ATP11A: variants seen among roughly 807,000 people sequenced by gnomAD.
ATP11A encodes phospholipid-transporting ATPase IH.
A neutral mutation model predicts 154.4 loss-of-function variants in ATP11A; 81 were observed. The observed-to-expected ratio is 0.52, with a 90% CI of 0.44 to 0.63. The LOEUF (loss-of-function observed/expected upper bound fraction) is 0.63, where lower values mean the gene tolerates loss of function less well. ATP11A is among the 30% of genes least tolerant of loss of function. ATP11A has a pLI of 0.00. For synonymous variants in ATP11A, 623 were observed against 585.9 expected (o/e 1.06, Z -0.91); for missense variants, 1,316 against 1,474.3 (o/e 0.89, Z 1.76).
chr13:112,772,944 A>T (rs1430405416), intron 1 of ATP11A, among the ~76,000 whole-genome samples: 1 of 152,206 alleles, frequency 6.6e-6, no homozygotes, highest in South Asian at 2.1e-4. Flanking sequence ...TATGATTGGC[A>T]TCTGATCACG....
rs530303167 is a variant in ATP11A, at chr13:112,690,774, C to A, written c.39+319C>A. ...TCCCTCGGAGAGGCTGGCTGGGGTT[C>A]GAGCTGTCCCGGCGGACCGGGCGCC... On this transcript the variant is annotated intron_variant, in intron 1 of 29. Coordinates refer to ENST00000375645, the MANE Select transcript of ATP11A (RefSeq NM_015205.3). This position sits in a 1 kb window ranked among gnomAD's most constrained non-coding sequence, Gnocchi z 5.6. Among the ~76,000 whole-genome samples, 2 of 152,106 alleles carry A rather than the reference C, an allele frequency of 1.3e-5. No homozygotes were observed. Among genetic ancestry groups the A allele is most frequent in the African/African-American group, 4.8e-5 (2 of 41,532 alleles).
chr13:112,836,530 G>A (rs2079239247), intron 16 of ATP11A, among the ~76,000 whole-genome samples: 2 of 152,170 alleles, frequency 1.3e-5, no homozygotes, highest in Admixed American at 6.5e-5. Context: ...GTTGAAAATT[G>A]CTTAATTCCA....
rs6577115 is a variant in ATP11A, at chr13:112,841,015, G to A, written c.1706-1261G>A. 6.7e-3 allele frequency among the ~76,000 whole-genome samples: 1,015 copies of A among 152,354 alleles called. 18 individuals are homozygous for A. The highest frequency in any genetic ancestry group is 0.023 in the African/African-American group (967 of 41,594). ...GGGCATGGAGCTTCCTACGCGTGCCGCTCAGGCTGCTGTGGTGTTTCTCCC... is the reference window on the plus strand; with the variant it reads ...GGGCATGGAGCTTCCTACGCGTGCCACTCAGGCTGCTGTGGTGTTTCTCCC... On this transcript the variant is annotated intron_variant, in intron 16 of 29. Coordinates refer to ENST00000375645, the MANE Select transcript of ATP11A (RefSeq NM_015205.3).
At chr13:112,750,353 T>C (rs77955278) in intron 1 of ATP11A, among the ~76,000 whole-genome samples, 24 of 22,762 alleles carry the variant, frequency 1.1e-3, no homozygotes, top group African/African-American at 2.5e-3. Flanking sequence ...TGCTGAAGGA[T>C]GCGGGTTTGA....
Position 112,834,647 on chromosome 13 carries a change from A to G in ATP11A, c.1618A>G (p.Asn540Asp). Reference protein sequence around the residue: ...DNYMEILNRENHIERFELLEI... With the variant: ...DNYMEILNREDHIERFELLEI... Reference sequence around the variant, plus strand: ...TTACATGGAGATATTAAACAGGGAGAACCACATCGAAAGGTATGTGCAGAC... The same window carrying G: ...TTACATGGAGATATTAAACAGGGAGGACCACATCGAAAGGTATGTGCAGAC... Residue 540 changes from asparagine to aspartate, a missense_variant, in exon 15 of 30, where the codon AAC becomes GAC. Asn to Asp is a conservative substitution (Grantham distance 23). Around this residue, in one of 5 missense-constraint regions of ATP11A, gnomAD observed 876 missense variants for 1,006.8 expected, o/e 0.87. Transcript: ENST00000375645. 1.2e-6 allele frequency: 2 copies of G among 1,613,682 alleles called. No individual in the cohort carries two copies. Among genetic ancestry groups the G allele is most frequent in the Non-Finnish European group, 1.7e-6 (2 of 1,179,598 alleles).
rs1472173493 is a variant in ATP11A, at chr13:112,856,178, A to G, written c.2418+93A>G. ...TCTCACCGCCTCAGATTGTTAAACAATCTAGCAGGGTACCACCTGTTAAAA... is the reference window on the plus strand; with the variant it reads ...TCTCACCGCCTCAGATTGTTAAACAGTCTAGCAGGGTACCACCTGTTAAAA... On this transcript the variant is annotated intron_variant, in intron 20 of 29. Coordinates refer to ENST00000375645, the MANE Select transcript of ATP11A (RefSeq NM_015205.3). 4.7e-6 allele frequency: 6 copies of G among 1,266,630 alleles called. No individual in the cohort carries two copies. The African/African-American group carries it at 6.0e-5, about 13-fold the overall frequency. The allele number at this position is 1,266,630 out of a possible 1,614,324, so 78.5% of individuals were successfully genotyped here.
In ATP11A at chr13:112,831,543, G is replaced by C. The variant is rs367623884; in HGVS notation, c.1390G>C (p.Gly464Arg). Residue 464 changes from glycine to arginine, a missense_variant, in exon 13 of 30, where the codon GGG becomes CGG. This residue lies in a region of ATP11A where 876 missense variants were observed against 1,006.8 expected (regional missense o/e 0.87). Coordinates refer to ENST00000375645, the MANE Select transcript of ATP11A (RefSeq NM_015205.3). ...GATTGACTCGTCCCCCAGCGTCAAC[G>C]GGAGGGTAGGTGGCAGCCCCCACGC... ...DMIDSSPSVN[G>R]REREELFFRA... 1.2e-6 allele frequency: 2 copies of C among 1,613,802 alleles called. No individual in the cohort carries two copies. Among genetic ancestry groups the C allele is most frequent in the African/African-American group, 2.7e-5 (2 of 74,920 alleles).
intron 1 of ATP11A, among the ~76,000 whole-genome samples, chr13:112,731,949 G>T (rs1003138965): frequency 6.7e-6 from 1 of 148,222 alleles, no homozygotes; most frequent in Non-Finnish European, 1.5e-5. Context: ...GGGGGGGGCA[G>T]GTGGCCCATG....
At chr13:112,865,811 G>A (rs200258463) in intron 25 of ATP11A, among the ~76,000 whole-genome samples, 3 of 152,302 alleles carry the variant, frequency 2.0e-5, no homozygotes, top group African/African-American at 4.8e-5. Context: ...TTGGCCTCCC[G>A]AAGTGCTGGG....
intron 25 of ATP11A, among the ~76,000 whole-genome samples, chr13:112,868,972 C>G (rs879004106): frequency 6.6e-6 from 1 of 151,962 alleles, no homozygotes; most frequent in Admixed American, 6.6e-5. Context: ...CTCATGAGAA[C>G]TCACTCGCCC....
chr13:112,808,502 ACCT>A, intron 4 of ATP11A, among the ~76,000 whole-genome samples: 1 of 111,090 alleles, frequency 9.0e-6, no homozygotes, highest in East Asian at 2.8e-4. Flanking sequence ...CCCACTACTG[ACCT>A]CCTTGTCCCT....
chr13:112,823,414 ATATT>A lies in ATP11A; in HGVS notation c.790+8_790+11del. The A allele has an allele frequency of 6.2e-7, 1 of 1,606,230 alleles. No homozygotes were observed. The highest frequency in any genetic ancestry group is 8.5e-7 in the Non-Finnish European group (1 of 1,173,392). ...AGAACACTGAGAAAATCTTTGGTAA[ATATT>A]TAATTAATTATTAACCATTGCCCCT... is the stretch of plus-strand genomic sequence containing the variant. On this transcript the variant is annotated splice_donor_region_variant and intron_variant, in intron 9 of 29. Transcript: ENST00000375645.
Position 112,785,367 on chromosome 13 carries a change from C to A in ATP11A, c.162+110C>A. On this transcript the variant is annotated intron_variant, in intron 2 of 29. Coordinates refer to ENST00000375645, the MANE Select transcript of ATP11A (RefSeq NM_015205.3). This position sits in a 1 kb window ranked among gnomAD's most constrained non-coding sequence, Gnocchi z 4.8. ...GGCTCTGCTCCTGGCCCTGCTGTCA[C>A]AGCCACCAGCCACCCCCAGCAAGGG... is the stretch of plus-strand genomic sequence containing the variant. 7 of 1,214,976 alleles carry A rather than the reference C, an allele frequency of 5.8e-6. No individual in the cohort carries two copies. Among genetic ancestry groups the A allele is most frequent in the East Asian group, 2.9e-5 (1 of 33,920 alleles). The allele number at this position is 1,214,976 out of a possible 1,614,324, so 75.3% of individuals were successfully genotyped here.
chr13:112,780,219 C>T (rs1327937923), intron 1 of ATP11A, among the ~76,000 whole-genome samples: 1 of 152,046 alleles, frequency 6.6e-6, no homozygotes, highest in African/African-American at 2.4e-5. Flanking sequence ...CCGTTGGTTC[C>T]AACTGGAAAA....
chr13:112,739,002 T>C (rs1891274237), intron 1 of ATP11A, among the ~76,000 whole-genome samples: 1 of 152,196 alleles, frequency 6.6e-6, no homozygotes. Flanking sequence ...TACTTAGGAC[T>C]TACTTTATTG....
intron 29 of ATP11A, chr13:112,880,944 C>A: frequency 1.0e-6 from 1 of 991,830 alleles, no homozygotes; most frequent in Non-Finnish European, 1.2e-6. Flanking sequence ...CCTGGTCTTT[C>A]GGGGGACACA....
In ATP11A at chr13:112,884,165, C is replaced by T. The variant is rs1381660161; in HGVS notation, c.*2299C>T. ...TTGATTTTATTCTCTACACACACCT[C>T]TTCTTTTCTTGGTATTTCTGGTGGC... On this transcript the variant is annotated 3_prime_UTR_variant, in exon 30 of 30. Transcript: ENST00000375645. 6.6e-6 allele frequency: 1 copy of T among 152,520 alleles called. No individual in the cohort carries two copies. The highest frequency in any genetic ancestry group is 1.5e-5 in the Non-Finnish European group (1 of 68,030). 9.4% of individuals were successfully genotyped at this position (152,520 alleles called of 1,614,324 possible).
In ATP11A at chr13:112,865,180, C is replaced by T. The variant is rs796820190; in HGVS notation, c.2991+2605C>T. On this transcript the variant is annotated intron_variant, in intron 25 of 29. Coordinates refer to ENST00000375645, the MANE Select transcript of ATP11A (RefSeq NM_015205.3). The stretch of plus-strand genomic sequence containing the variant: ...GGCCCGCGCAGCTTCCCAGCGGGGT[C>T]CATCACCACCTGCGCAGTAATTCAG... Among the ~76,000 whole-genome samples the T allele has an allele frequency of 1.2e-4, 11 of 89,126 alleles. 1 individual carries two copies. Among genetic ancestry groups the T allele is most frequent in the Admixed American group, 3.9e-4 (3 of 7,764 alleles). The allele number at this position is 89,126 out of a possible 152,430, so 58.5% of individuals were successfully genotyped here. A position where few individuals can be genotyped will look rare whatever the true frequency, so the allele number is the denominator to read the frequency against.
chr13:112,703,412 T>G (rs927645956), intron 1 of ATP11A: 37 of 152,210 alleles, frequency 2.4e-4, no homozygotes, highest in Non-Finnish European at 1.0e-4. Flanking sequence ...ATATGAGATT[T>G]TTGAGGGGAT....
Sources: gnomAD v4.1 joint callset for allele counts (sites outside exome capture counted in the v4.1 genomes callset) on GRCh38, gnomAD v4.1.1 for gene constraint, gnomAD v4.1.1 regional missense constraint, Gnocchi (gnomAD v3.1) non-coding constraint, MANE v1.5 for transcripts, NCBI Gene and HGNC (gene_info 2026-07-23, HGNC 2026-07-21) for gene names.